QTMAN: variants seen among roughly 807,000 people sequenced by gnomAD.
QTMAN encodes the protein queuosine-tRNA mannosyltransferase.
the QTMAN span, among the ~76,000 whole-genome samples, chr2:143,988,501 T>A: frequency 0.13 from 19,233 of 152,270 alleles, 2,089 homozygotes; most frequent in African/African-American, 0.28. Flanking sequence ...TAGCAGCAAA[T>A]ATGTATACAG....
At chr2:144,069,411 T>C in the QTMAN span, among the ~76,000 whole-genome samples, 1 of 151,962 alleles carries the variant, frequency 6.6e-6, no homozygotes, top group African/African-American at 2.4e-5. Flanking sequence ...CTTGCAGAGA[T>C]GAAGAAACAG....
At chr2:144,043,523 A>G in the QTMAN span, among the ~76,000 whole-genome samples, 6 of 151,924 alleles carry the variant, frequency 3.9e-5, no homozygotes, top group African/African-American at 1.5e-4. Flanking sequence ...AATCCCACCT[A>G]CTAGGGAGGC....
At chr2:144,239,430 G>C in the QTMAN span, among the ~76,000 whole-genome samples, 1 of 151,808 alleles carries the variant, frequency 6.6e-6, no homozygotes, top group South Asian at 2.1e-4. Flanking sequence ...CTCTTGTTTT[G>C]AATGTAAGGT....
chr2:144,185,413 C>G, the QTMAN span, among the ~76,000 whole-genome samples: 1 of 152,190 alleles, frequency 6.6e-6, no homozygotes, highest in Non-Finnish European at 1.5e-5. Flanking sequence ...CAATGCTACC[C>G]TCTAAGAAGT....
At chr2:144,269,019 C>T in the QTMAN span, among the ~76,000 whole-genome samples, 1 of 152,158 alleles carries the variant, frequency 6.6e-6, no homozygotes, top group Non-Finnish European at 1.5e-5. Flanking sequence ...GATCTCCTGA[C>T]CTCAGGTGAT....
At chr2:144,306,171 G>A in the QTMAN span, among the ~76,000 whole-genome samples, 2 of 152,158 alleles carry the variant, frequency 1.3e-5, no homozygotes, top group Admixed American at 1.3e-4. Flanking sequence ...TTCCCATGTT[G>A]AGGAAATTTC....
At chr2:144,183,434 G>A in the QTMAN span, among the ~76,000 whole-genome samples, 3 of 151,840 alleles carry the variant, frequency 2.0e-5, no homozygotes, top group Admixed American at 6.6e-5. Flanking sequence ...TGCCATTTCT[G>A]TAATACTTGT....
the QTMAN span, chr2:143,952,943 G>A: frequency 1.4e-6 from 1 of 714,952 alleles, no homozygotes; most frequent in Non-Finnish European, 2.5e-6. Context: ...AATGAGCCCA[G>A]AGTTAACTGG....
chr2:144,326,566 A>G, the QTMAN span, among the ~76,000 whole-genome samples: 4 of 149,534 alleles, frequency 2.7e-5, no homozygotes, highest in East Asian at 5.8e-4. Flanking sequence ...CAGCCTGGGC[A>G]ACAGAGTGAG....
chr2:144,264,936 A>C, the QTMAN span, among the ~76,000 whole-genome samples: 1 of 152,236 alleles, frequency 6.6e-6, no homozygotes, highest in Non-Finnish European at 1.5e-5. Context: ...TAAACTTGAC[A>C]GCTGTATTTC....
At chr2:144,328,722 C>T in the QTMAN span, among the ~76,000 whole-genome samples, 5 of 152,154 alleles carry the variant, frequency 3.3e-5, no homozygotes, top group Non-Finnish European at 5.9e-5. Context: ...AAATTAAACA[C>T]CATCCTACTC....
the QTMAN span, among the ~76,000 whole-genome samples, chr2:144,048,695 G>C: frequency 6.6e-6 from 1 of 152,044 alleles, no homozygotes; most frequent in African/African-American, 2.4e-5. Context: ...TCCTAGATCA[G>C]TGGTACAAAG....
the QTMAN span, among the ~76,000 whole-genome samples, chr2:144,109,181 T>G: frequency 1.3e-5 from 2 of 152,206 alleles, no homozygotes; most frequent in Non-Finnish European, 2.9e-5. Context: ...AGCATGGTAC[T>G]GGTACCAAAA....
the QTMAN span, among the ~76,000 whole-genome samples, chr2:144,156,363 A>C: frequency 6.6e-6 from 1 of 152,134 alleles, no homozygotes. Context: ...CAAAACTAGC[A>C]AACTGTACTA....
the QTMAN span, among the ~76,000 whole-genome samples, chr2:144,251,150 C>T: frequency 7.2e-5 from 11 of 152,050 alleles, no homozygotes; most frequent in Non-Finnish European, 1.0e-4. Flanking sequence ...CCGCTGCATA[C>T]AAATTTTGCT....
chr2:144,028,324 T>C, the QTMAN span, among the ~76,000 whole-genome samples: 4 of 152,250 alleles, frequency 2.6e-5, no homozygotes, highest in African/African-American at 7.2e-5. Context: ...TGAAGGTTAT[T>C]GCCAGAGAAA....
At chr2:144,101,394 T>TCTCTCA in the QTMAN span, among the ~76,000 whole-genome samples, 274 of 150,230 alleles carry the variant, frequency 1.8e-3, no homozygotes, top group African/African-American at 6.4e-3. Context: ...TATCTCTCTC[T>TCTCTCA]CACACACACA....
At chr2:144,013,894 T>C in the QTMAN span, among the ~76,000 whole-genome samples, 5 of 152,184 alleles carry the variant, frequency 3.3e-5, no homozygotes, top group Non-Finnish European at 5.9e-5. Flanking sequence ...AAAATCATGC[T>C]ACCCTACATG....
the QTMAN span, among the ~76,000 whole-genome samples, chr2:144,197,463 A>C: frequency 3.9e-5 from 6 of 152,160 alleles, no homozygotes; most frequent in Admixed American, 3.3e-4. Context: ...AAATGCTGCC[A>C]AAACAAACTT....
Sources: gnomAD v4.1 joint callset for allele counts (sites outside exome capture counted in the v4.1 genomes callset) on GRCh38, gnomAD v4.1.1 for gene constraint, MANE v1.5 for transcripts, NCBI Gene and HGNC (gene_info 2026-07-23, HGNC 2026-07-21) for gene names.